The following LRP1B variants were observed in gnomAD, a reference collection of about 807,000 sequenced individuals.
LRP1B encodes LDL receptor related protein 1B.
In LRP1B, 217 loss-of-function variants were observed where a neutral mutation model predicts 556.6. The ratio of observed to expected loss-of-function variants is 0.39; its 90% CI spans 0.35 to 0.44. LRP1B has a LOEUF of 0.44. LRP1B is among the 20% of genes least tolerant of loss of function. LRP1B has a pLI of 1.00. For missense variants in LRP1B, 5,053 were observed against 5,620.8 expected (o/e 0.90, Z 3.23); for synonymous variants, 2,047 against 1,865.8 (o/e 1.10, Z -2.50).
chr2:141,118,564 C>G (rs959699857), intron 7 of LRP1B, among the ~76,000 whole-genome samples: 1 of 151,716 alleles, frequency 6.6e-6, no homozygotes, highest in Admixed American at 6.6e-5. Context: ...TTTCTGAGAG[C>G]GAAGAGATTG....
At chr2:140,361,341 C>CACATAT (rs1553454117) in intron 72 of LRP1B, among the ~76,000 whole-genome samples, 1 of 30,714 alleles carries the variant, frequency 3.3e-5, no homozygotes, top group African/African-American at 9.2e-5. Flanking sequence ...ACTTGGAAAG[C>CACATAT]ATATATATAT....
chr2:140,465,340 T>C (rs773737484), intron 60 of LRP1B, among the ~76,000 whole-genome samples: 1 of 151,856 alleles, frequency 6.6e-6, no homozygotes, highest in Non-Finnish European at 1.5e-5. Context: ...CAGGAAAAAA[T>C]ATCCAAACTG....
At chr2:140,358,993 C>A (rs1406090308) in intron 72 of LRP1B, 47 bp from the exon 73 acceptor site, 1 of 1,560,006 alleles carries the variant, frequency 6.4e-7, no homozygotes, top group Non-Finnish European at 8.7e-7. Context: ...GAGTACATTG[C>A]TTTATGAAGA....
At chr2:141,557,179 C>G (rs1033815894) in intron 2 of LRP1B, among the ~76,000 whole-genome samples, 1 of 151,692 alleles carries the variant, frequency 6.6e-6, no homozygotes, top group Non-Finnish European at 1.5e-5. Context: ...AACAAAATGT[C>G]TGAAATGGCT....
intron 1 of LRP1B, among the ~76,000 whole-genome samples, chr2:141,836,501 T>C (rs1697283764): frequency 6.6e-6 from 1 of 151,928 alleles, no homozygotes; most frequent in African/African-American, 2.4e-5. Flanking sequence ...ATCCTTCCTC[T>C]AAGCAGAATC....
chr2:141,740,507 G>A (rs1244261476), intron 2 of LRP1B, among the ~76,000 whole-genome samples: 1 of 152,140 alleles, frequency 6.6e-6, no homozygotes, highest in African/African-American at 2.4e-5. Context: ...GAGATATTTT[G>A]ATATAGGCAT....
At chr2:140,914,176 G>A (rs1237887991) in intron 21 of LRP1B, among the ~76,000 whole-genome samples, 1 of 152,088 alleles carries the variant, frequency 6.6e-6, no homozygotes, top group Non-Finnish European at 1.5e-5. Context: ...CCAAAACTGT[G>A]GATAGAGTGG....
intron 6 of LRP1B, among the ~76,000 whole-genome samples, chr2:141,207,905 A>G (rs921898117): frequency 5.9e-5 from 9 of 152,206 alleles, no homozygotes; most frequent in Non-Finnish European, 1.3e-4. Flanking sequence ...TGAACTTCTG[A>G]CCTCAGATGA....
chr2:141,873,443 G>T (rs893629583), intron 1 of LRP1B, among the ~76,000 whole-genome samples: 1 of 151,944 alleles, frequency 6.6e-6, no homozygotes, highest in South Asian at 2.1e-4. Flanking sequence ...GCTTTGTTGG[G>T]AATCAGAGTT....
intron 83 of LRP1B, among the ~76,000 whole-genome samples, chr2:140,305,416 C>A (rs1684023290): frequency 6.6e-6 from 1 of 152,150 alleles, no homozygotes; most frequent in African/African-American, 2.4e-5. Context: ...CTCTTTGAAG[C>A]AATTGTGAAT....
intron 23 of LRP1B, among the ~76,000 whole-genome samples, chr2:140,895,585 C>G (rs1693931287): frequency 6.6e-6 from 1 of 152,176 alleles, no homozygotes; most frequent in South Asian, 2.1e-4. Flanking sequence ...TTTGCTGTCC[C>G]TGGGTGGCTT....
chr2:141,313,743 A>T (rs1380015830), intron 3 of LRP1B, among the ~76,000 whole-genome samples: 1 of 152,218 alleles, frequency 6.6e-6, no homozygotes, highest in Non-Finnish European at 1.5e-5. Context: ...AGAAATGTAT[A>T]TAAAAATAAC....
chr2:141,530,381 G>C (rs193276940), intron 2 of LRP1B, among the ~76,000 whole-genome samples: 10 of 152,040 alleles, frequency 6.6e-5, no homozygotes, highest in African/African-American at 2.2e-4. Context: ...GGAGGGAACT[G>C]TTCTTTTCAC....
At chr2:140,824,545 T>A (rs1001270743) in intron 31 of LRP1B, among the ~76,000 whole-genome samples, 1 of 152,114 alleles carries the variant, frequency 6.6e-6, no homozygotes, top group African/African-American at 2.4e-5. Flanking sequence ...GCAAGAGGAA[T>A]AAGTGGAGAA....
At chr2:140,752,563 C>T (rs970938362) in intron 35 of LRP1B, among the ~76,000 whole-genome samples, 13 of 152,056 alleles carry the variant, frequency 8.5e-5, no homozygotes, top group African/African-American at 3.1e-4. Context: ...GACCTCAAGT[C>T]ATCCGCCTGC....
At chr2:140,997,350 G>A (rs1282835800) in intron 15 of LRP1B, among the ~76,000 whole-genome samples, 1 of 151,886 alleles carries the variant, frequency 6.6e-6, no homozygotes, top group Non-Finnish European at 1.5e-5. Context: ...ATAATGTTGG[G>A]AAGTAGGAAA....
At chr2:140,361,380 A>ATATATATATATATATATAT (rs1553454115) in intron 72 of LRP1B, among the ~76,000 whole-genome samples, 4 of 128,832 alleles carry the variant, frequency 3.1e-5, no homozygotes, top group South Asian at 2.5e-4. Flanking sequence ...ATATATATAT[A>ATATATATATATATATATAT]ACAAAAATAA....
chr2:140,626,998 A>G (rs1683687979), intron 41 of LRP1B, among the ~76,000 whole-genome samples: 1 of 152,178 alleles, frequency 6.6e-6, no homozygotes, highest in Non-Finnish European at 1.5e-5. Context: ...AATGAATACT[A>G]TCACTTTTTG....
chr2:140,652,600 A>T (rs1270085989), intron 41 of LRP1B, among the ~76,000 whole-genome samples: 1 of 152,130 alleles, frequency 6.6e-6, no homozygotes, highest in African/African-American at 2.4e-5. Context: ...AAGTTTTACA[A>T]GAAATTTGTG....
Sources: allele counts gnomAD v4.1 joint callset (sites outside exome capture counted in the v4.1 genomes callset), GRCh38; gene constraint gnomAD v4.1.1; transcripts MANE v1.5; gene names NCBI Gene and HGNC (gene_info 2026-07-23, HGNC 2026-07-21).